Variants in ANKIB1 observed in about 807,000 individuals in gnomAD.
The protein encoded by ANKIB1 is ankyrin repeat and IBR domain-containing protein 1.
ANKIB1 carries 43 observed loss-of-function variants against 122.1 expected under a neutral mutation model. The ratio of observed to expected loss-of-function variants is 0.35; its 90% CI spans 0.28 to 0.45. The LOEUF (loss-of-function observed/expected upper bound fraction) is 0.45, where lower values mean the gene tolerates loss of function less well. Ranked by LOEUF, ANKIB1 falls within the 20% of genes least tolerant of loss-of-function variation. The pLI, the probability that ANKIB1 is intolerant of heterozygous loss-of-function variation, is 1.00. For synonymous variants in ANKIB1, 390 were observed against 442.0 expected, an observed-to-expected ratio of 0.88 and a Z score of 1.48; for missense variants, 992 against 1,329.5, an observed-to-expected ratio of 0.75 and a Z score of 3.95.
intron 9 of ANKIB1, among the ~76,000 whole-genome samples, chr7:92,355,527 C>T (rs1243277183): frequency 6.6e-6 from 1 of 152,064 alleles, no homozygotes; most frequent in African/African-American, 2.4e-5. Context: ...ATTTTATTCG[C>T]TGAAATTGAT....
intron 1 of ANKIB1, among the ~76,000 whole-genome samples, chr7:92,293,401 A>T (rs1802290513): frequency 6.6e-6 from 1 of 152,018 alleles, no homozygotes; most frequent in Admixed American, 6.6e-5. Flanking sequence ...TGTTGCCCAA[A>T]CTGGTTTCAA....
At chr7:92,277,038 C>T (rs1320927766) in intron 1 of ANKIB1, among the ~76,000 whole-genome samples, 1 of 152,084 alleles carries the variant, frequency 6.6e-6, no homozygotes, top group African/African-American at 2.4e-5. Context: ...GCACCTTCCC[C>T]CTTGCTCTTT....
At chr7:92,395,136 T>C (rs1804860090) in intron 17 of ANKIB1, among the ~76,000 whole-genome samples, 1 of 152,052 alleles carries the variant, frequency 6.6e-6, no homozygotes, top group African/African-American at 2.4e-5. Flanking sequence ...TTCTCTTTTA[T>C]TCTCTTCTCT....
chr7:92,341,861 T>C (rs1229061756), intron 5 of ANKIB1, among the ~76,000 whole-genome samples: 1 of 152,196 alleles, frequency 6.6e-6, no homozygotes, highest in Non-Finnish European at 1.5e-5. Flanking sequence ...AACCACACAT[T>C]TTCAACTTAT....
At chr7:92,391,989 A>G (rs907733191) in intron 16 of ANKIB1, among the ~76,000 whole-genome samples, 3 of 152,166 alleles carry the variant, frequency 2.0e-5, no homozygotes, top group East Asian at 1.9e-4. Flanking sequence ...GTAAAATACA[A>G]ATAGAAGCAT....
chr7:92,252,006 G>C (rs1472848286), intron 1 of ANKIB1, among the ~76,000 whole-genome samples: 1 of 151,972 alleles, frequency 6.6e-6, no homozygotes, highest in Non-Finnish European at 1.5e-5. Context: ...TATTCTGTGT[G>C]GTGACCCTCA....
At chr7:92,347,147 C>G (rs551031171) in intron 7 of ANKIB1, among the ~76,000 whole-genome samples, 2 of 152,320 alleles carry the variant, frequency 1.3e-5, no homozygotes, top group Admixed American at 6.5e-5. Context: ...TCTTCCCAAA[C>G]TTTTTATTAG....
chr7:92,391,070 A>C (rs1471275488), intron 15 of ANKIB1, 96 bp from the exon 16 acceptor site: 1 of 1,031,334 alleles, frequency 9.7e-7, no homozygotes, highest in Non-Finnish European at 1.3e-6. Context: ...TTACTTCAAA[A>C]GAGTTAGATT....
At chr7:92,387,742 C>A in intron 12 of ANKIB1, 56 bp from the exon 13 acceptor site, 1 of 1,364,538 alleles carries the variant, frequency 7.3e-7, no homozygotes, top group East Asian at 2.3e-5. Flanking sequence ...CCCCAAAAAA[C>A]TATTTTAGTA....
At chr7:92,382,712 C>G (rs912238487) in intron 11 of ANKIB1, among the ~76,000 whole-genome samples, 1 of 152,146 alleles carries the variant, frequency 6.6e-6, no homozygotes, top group African/African-American at 2.4e-5. Context: ...ACACAACATA[C>G]CAGAATCTCT....
At chr7:92,272,599 A>G (rs918483779) in intron 1 of ANKIB1, among the ~76,000 whole-genome samples, 3 of 152,158 alleles carry the variant, frequency 2.0e-5, no homozygotes, top group African/African-American at 7.2e-5. Flanking sequence ...CCCATAGAGT[A>G]TCTGGCCCAG....
chr7:92,288,314 G>A (rs1182374759), intron 1 of ANKIB1, among the ~76,000 whole-genome samples: 1 of 152,178 alleles, frequency 6.6e-6, no homozygotes, highest in Non-Finnish European at 1.5e-5. Context: ...CCATTTGTAT[G>A]ATGCAAACTA....
chr7:92,258,893 G>A (rs190871874), intron 1 of ANKIB1, among the ~76,000 whole-genome samples: 2 of 152,106 alleles, frequency 1.3e-5, no homozygotes, highest in Non-Finnish European at 2.9e-5. Flanking sequence ...GATGGAAGTA[G>A]CATCAACCAC....
At chr7:92,287,091 G>A (rs1427146588) in intron 1 of ANKIB1, among the ~76,000 whole-genome samples, 1 of 152,128 alleles carries the variant, frequency 6.6e-6, no homozygotes, top group African/African-American at 2.4e-5. Context: ...TTATGGAAAG[G>A]TTGCAAAAAT....
At chr7:92,246,729 C>T (rs1409649903) in intron 1 of ANKIB1, among the ~76,000 whole-genome samples, 1 of 152,196 alleles carries the variant, frequency 6.6e-6, no homozygotes, top group Non-Finnish European at 1.5e-5. Context: ...AATTTGCAAG[C>T]CTCCGGGTCT....
intron 1 of ANKIB1, among the ~76,000 whole-genome samples, chr7:92,281,072 G>T (rs1214779759): frequency 6.6e-6 from 1 of 152,198 alleles, no homozygotes; most frequent in Non-Finnish European, 1.5e-5. Flanking sequence ...GGTTCATGGA[G>T]TGAAGCCCAG....
chr7:92,321,867 A>C (rs796718487), intron 4 of ANKIB1, among the ~76,000 whole-genome samples: 1 of 152,228 alleles, frequency 6.6e-6, no homozygotes, highest in Non-Finnish European at 1.5e-5. Flanking sequence ...TTAAGTACAC[A>C]TAGAAAGACA....
chr7:92,352,845 T>C lies in ANKIB1; in HGVS notation c.1397+203T>C, dbSNP rs376244595. ...GGCACTACACCAGCTATTTTTTACA[T>C]ATTGAATTCTCCCAACAATGCTGAG... is the stretch of plus-strand genomic sequence containing the variant. On this transcript the variant is annotated intron_variant, in intron 9 of 19. Coordinates refer to ENST00000265742, the MANE Select transcript of ANKIB1 (RefSeq NM_019004.2). 4.6e-5 allele frequency among the ~76,000 whole-genome samples: 7 copies of C among 152,330 alleles called. No homozygotes were observed. In the East Asian group the frequency reaches 1.2e-3, roughly 25 times the overall value.
chr7:92,310,858 G>T (rs368654335), intron 3 of ANKIB1, among the ~76,000 whole-genome samples: 388 of 152,204 alleles, frequency 2.5e-3, no homozygotes, highest in African/African-American at 9.1e-3. Context: ...TTGAATCCAG[G>T]GATGTGGAAT....
Sources: gnomAD v4.1 joint callset for allele counts (sites outside exome capture counted in the v4.1 genomes callset) on GRCh38, gnomAD v4.1.1 for gene constraint, MANE v1.5 for transcripts, NCBI Gene and HGNC (gene_info 2026-07-23, HGNC 2026-07-21) for gene names.